Variants in NARS2 observed in about 807,000 individuals in gnomAD.
NARS2 encodes the protein asparaginyl-tRNA synthetase.
In NARS2, 60 loss-of-function variants were observed where a neutral mutation model predicts 62.9. The observed-to-expected ratio is 0.95, with a 90% CI of 0.77 to 1.18. The LOEUF is 1.18. Ranked by LOEUF, NARS2 falls within the 50% of genes most tolerant of loss-of-function variation. NARS2 has a pLI of 0.00. For missense variants in NARS2, 619 were observed against 576.4 expected (o/e 1.07, Z -0.76); for synonymous variants, 196 against 200.0 (o/e 0.98, Z 0.17).
At chr11:78,559,690 A>G in intron 4 of NARS2, 71 bp from the exon 5 acceptor site, 2 of 1,046,220 alleles carry the variant, frequency 1.9e-6, no homozygotes, top group Non-Finnish European at 3.0e-6. Flanking sequence ...ATCCTCTTAT[A>G]GTATTAAAAT....
chr11:78,517,487 C>T (rs910941003), intron 6 of NARS2, among the ~76,000 whole-genome samples: 23 of 152,168 alleles, frequency 1.5e-4, no homozygotes, highest in African/African-American at 5.5e-4. Context: ...CAGGTTTTTA[C>T]TTTAGTATTT....
intron 9 of NARS2, among the ~76,000 whole-genome samples, chr11:78,471,356 C>A (rs1047339841): frequency 6.6e-6 from 1 of 152,044 alleles, no homozygotes; most frequent in African/African-American, 2.4e-5. Context: ...TCCATCAAAA[C>A]AAAAGAAAAT....
chr11:78,444,837 A>C (rs544041659), intron 11 of NARS2, among the ~76,000 whole-genome samples: 2 of 152,330 alleles, frequency 1.3e-5, no homozygotes, highest in Admixed American at 6.5e-5. Context: ...TGGATAAACC[A>C]ATAAGCTCAT....
chr11:78,441,362 A>G (rs1343649586), intron 12 of NARS2, among the ~76,000 whole-genome samples: 2 of 152,212 alleles, frequency 1.3e-5, no homozygotes, highest in Admixed American at 1.3e-4. Context: ...TATGATCCAG[A>G]GTCCAAAGGA....
At chr11:78,453,998 C>G (rs1245119938) in intron 11 of NARS2, among the ~76,000 whole-genome samples, 1 of 152,204 alleles carries the variant, frequency 6.6e-6, no homozygotes, top group Non-Finnish European at 1.5e-5. Context: ...TTCCCTTTCC[C>G]TCATGGTCAA....
chr11:78,492,202 T>C (rs879846447), intron 7 of NARS2, among the ~76,000 whole-genome samples: 7 of 152,042 alleles, frequency 4.6e-5, no homozygotes, highest in African/African-American at 7.2e-5. Flanking sequence ...TTCCTATGTA[T>C]TGGAATTTTG....
intron 5 of NARS2, among the ~76,000 whole-genome samples, chr11:78,548,282 G>C (rs1249009141): frequency 6.6e-6 from 1 of 152,122 alleles, no homozygotes; most frequent in Non-Finnish European, 1.5e-5. Context: ...GAACAAGGGA[G>C]GTATTAATAT....
chr11:78,546,991 A>C (rs886704689), intron 5 of NARS2, among the ~76,000 whole-genome samples: 1 of 152,250 alleles, frequency 6.6e-6, no homozygotes, highest in African/African-American at 2.4e-5. Context: ...ACATTTAATT[A>C]TTCTGCTACG....
chr11:78,500,921 G>C (rs750024617), intron 6 of NARS2, among the ~76,000 whole-genome samples: 1 of 152,010 alleles, frequency 6.6e-6, no homozygotes, highest in African/African-American at 2.4e-5. Flanking sequence ...GTGAAACCCC[G>C]TCTCTACAAA....
At chr11:78,499,196 G>A (rs1000044136) in intron 6 of NARS2, among the ~76,000 whole-genome samples, 5 of 152,072 alleles carry the variant, frequency 3.3e-5, no homozygotes, top group African/African-American at 7.2e-5. Context: ...GATTACAGGC[G>A]TGAGCCACCG....
chr11:78,572,944 T>C (rs1026700233), intron 1 of NARS2, among the ~76,000 whole-genome samples: 5 of 152,208 alleles, frequency 3.3e-5, no homozygotes, highest in Admixed American at 1.3e-4. Flanking sequence ...GAGCCAAAAG[T>C]GGCTGGTAGC....
At chr11:78,481,995 C>T (rs1565227372) in intron 7 of NARS2, among the ~76,000 whole-genome samples, 1 of 152,086 alleles carries the variant, frequency 6.6e-6, no homozygotes, top group Non-Finnish European at 1.5e-5. Context: ...GACACCAAAA[C>T]ATGAATATTC....
At chr11:78,461,041 T>C (rs1296493745) in intron 11 of NARS2, among the ~76,000 whole-genome samples, 2 of 152,226 alleles carry the variant, frequency 1.3e-5, no homozygotes, top group East Asian at 3.8e-4. Context: ...ATACGCATAC[T>C]ACGTCATTTT....
At chr11:78,511,870 A>T (rs1163053328) in intron 6 of NARS2, among the ~76,000 whole-genome samples, 3 of 152,174 alleles carry the variant, frequency 2.0e-5, no homozygotes, top group African/African-American at 4.8e-5. Flanking sequence ...GAAGGTATTT[A>T]AAAAAAGAAA....
intron 5 of NARS2, among the ~76,000 whole-genome samples, chr11:78,533,697 T>C (rs1434380358): frequency 1.3e-5 from 2 of 152,208 alleles, no homozygotes; most frequent in Admixed American, 1.3e-4. Flanking sequence ...ACTCATAACA[T>C]GTAACAGTCC....
chr11:78,566,684 A>C (rs1025574372), intron 3 of NARS2, among the ~76,000 whole-genome samples: 3 of 152,220 alleles, frequency 2.0e-5, no homozygotes, highest in Non-Finnish European at 4.4e-5. Flanking sequence ...TTCAATTTTA[A>C]AATTACCTAT....
intron 1 of NARS2, 88 bp downstream of exon 1, chr11:78,574,260 T>C: frequency 2.6e-6 from 4 of 1,559,150 alleles, no homozygotes; most frequent in South Asian, 1.1e-5. Context: ...CGGTTGTGTC[T>C]GACCCGACTG....
intron 11 of NARS2, among the ~76,000 whole-genome samples, chr11:78,458,123 G>A (rs921562651): frequency 1.3e-5 from 2 of 152,118 alleles, no homozygotes; most frequent in Non-Finnish European, 2.9e-5. Flanking sequence ...AGAGGATTTT[G>A]AATGTTCACA....
intron 6 of NARS2, 136 bp downstream of exon 6, chr11:78,528,706 A>C: frequency 3.2e-6 from 2 of 627,070 alleles, no homozygotes; most frequent in Non-Finnish European, 5.6e-6. Context: ...ACAAGTAAGA[A>C]GCTTAAATAT....
Sources: gnomAD v4.1 joint callset for allele counts (sites outside exome capture counted in the v4.1 genomes callset) on GRCh38, gnomAD v4.1.1 for gene constraint, MANE v1.5 for transcripts, NCBI Gene and HGNC (gene_info 2026-07-23, HGNC 2026-07-21) for gene names.